NEK10: variants seen among roughly 807,000 people sequenced by gnomAD.
The protein encoded by NEK10 is serine/threonine-protein kinase Nek10.
In NEK10, 122 loss-of-function variants were observed where a neutral mutation model predicts 159.8. The observed-to-expected ratio is 0.76, with a 90% confidence interval of 0.66 to 0.89. The LOEUF is 0.89. Among genes scored for constraint, NEK10 ranks in the 40% least tolerant of loss-of-function variants. The pLI is 0.00. For missense variants in NEK10, 1,342 were observed against 1,323.1 expected (o/e 1.01, Z -0.22); for synonymous variants, 466 against 457.1 (o/e 1.02, Z -0.25).
intron 23 of NEK10, among the ~76,000 whole-genome samples, chr3:27,208,449 C>T (rs778286037): frequency 2.6e-5 from 4 of 152,050 alleles, no homozygotes; most frequent in East Asian, 3.9e-4. Flanking sequence ...GCACCCTGAT[C>T]GGCCTTATGG....
At chr3:27,200,382 T>C (rs1454045906) in intron 25 of NEK10, among the ~76,000 whole-genome samples, 4 of 152,116 alleles carry the variant, frequency 2.6e-5, no homozygotes, top group Non-Finnish European at 5.9e-5. Context: ...GGGGTGACTC[T>C]AGAATTTCTA....
intron 26 of NEK10, among the ~76,000 whole-genome samples, chr3:27,176,682 C>G (rs917753120): frequency 2.6e-5 from 4 of 152,166 alleles, no homozygotes; most frequent in Non-Finnish European, 5.9e-5. Flanking sequence ...GAAGTAAAAA[C>G]CCAATTCAAG....
chr3:27,140,628 G>C (rs767805730), intron 31 of NEK10, among the ~76,000 whole-genome samples: 1 of 152,218 alleles, frequency 6.6e-6, no homozygotes, highest in East Asian at 1.9e-4. Context: ...TTTAACTTGT[G>C]GTATTTCTCT....
At chr3:27,274,149 C>G (rs2041589850) in intron 22 of NEK10, among the ~76,000 whole-genome samples, 1 of 152,204 alleles carries the variant, frequency 6.6e-6, no homozygotes. Flanking sequence ...TACCATGCCA[C>G]TTTCCACTTC....
intron 29 of NEK10, among the ~76,000 whole-genome samples, chr3:27,169,951 G>A (rs1374500515): frequency 6.6e-6 from 1 of 152,158 alleles, no homozygotes; most frequent in African/African-American, 2.4e-5. Context: ...AACAAGCTGG[G>A]AGTTCATTTA....
In NEK10 at chr3:27,221,179, G is replaced by GA. The variant is rs546686846; in HGVS notation, c.2091-18623dup. On this transcript the variant is annotated intron_variant, in intron 23 of 35. Coordinates refer to ENST00000691995, the MANE Select transcript of NEK10 (RefSeq NM_001394966.1). ...CAATAAGTTGGATTTCATCAAAATT[G>GA]AAAACTTTTGTGCCTCAAAGGACAT... is the stretch of plus-strand genomic sequence containing the variant. 2.7e-3 allele frequency among the ~76,000 whole-genome samples: 409 copies of GA among 152,284 alleles called. 3 individuals carry two copies. Among genetic ancestry groups the GA allele is most frequent in the African/African-American group, 9.3e-3 (388 of 41,556 alleles).
At chr3:27,306,341 C>T (rs1021646166) in intron 11 of NEK10, among the ~76,000 whole-genome samples, 10 of 152,252 alleles carry the variant, frequency 6.6e-5, no homozygotes, top group Middle Eastern at 3.4e-3. Context: ...CATTCTCATA[C>T]GGCTTTCTCA....
chr3:27,153,048 G>A lies in NEK10; in HGVS notation c.2869+9653C>T, dbSNP rs560075841. ...ACCTAAGAAATGAGAATGGCCAGGC[G>A]CGGTGGCTCATGCCTGTAATCCCAG... On this transcript the variant is annotated intron_variant, in intron 30 of 35. Coordinates refer to ENST00000691995, the MANE Select transcript of NEK10 (RefSeq NM_001394966.1). 7.9e-5 allele frequency among the ~76,000 whole-genome samples: 12 copies of A among 152,182 alleles called. No individual in the cohort carries two copies. In the South Asian group the frequency reaches 8.3e-4, roughly 11 times the overall value.
chr3:27,258,560 A>T (rs937167237), intron 22 of NEK10, among the ~76,000 whole-genome samples: 7 of 152,034 alleles, frequency 4.6e-5, no homozygotes, highest in African/African-American at 1.7e-4. Context: ...ATCATTTTTT[A>T]TGGCTGCATA....
rs557915993 is a variant in NEK10 at position 27,281,613 on chromosome 3, G to A, written c.2014+2989C>T. On this transcript the variant is annotated intron_variant, in intron 22 of 35. Coordinates refer to ENST00000691995, the MANE Select transcript of NEK10 (RefSeq NM_001394966.1). ...TCCCATAAAAATATTTGTAGCAAGCGAACATCCAAAAAACATAACGCCCAA... is the reference window on the plus strand; with the variant it reads ...TCCCATAAAAATATTTGTAGCAAGCAAACATCCAAAAAACATAACGCCCAA... Among the ~76,000 whole-genome samples, 12 of 152,050 alleles carry A rather than the reference G, an allele frequency of 7.9e-5. No individual in the cohort carries two copies. In the South Asian group the frequency reaches 8.3e-4, roughly 11 times the overall value.
intron 30 of NEK10, chr3:27,162,482 G>A: frequency 1.2e-6 from 2 of 1,614,040 alleles, no homozygotes; most frequent in Non-Finnish European, 1.7e-6. Context: ...AGATTTCGAA[G>A]AATCACAGCA....
At chr3:27,174,394 T>C (rs1302005266) in intron 28 of NEK10, 45 bp downstream of exon 28, 1 of 1,606,606 alleles carries the variant, frequency 6.2e-7, no homozygotes, top group South Asian at 1.1e-5. Flanking sequence ...CAAACCACTG[T>C]CTTCCGGAAT....
rs1363708077 is a variant in NEK10, at chr3:27,293,714, G to C, written c.1309-62C>G. ...GCTCAACAAATTAAAACATTTTCAG[G>C]AAAGAATTAACAGGAAGTAAACATT... is the stretch of plus-strand genomic sequence containing the variant. On this transcript the variant is annotated intron_variant, in intron 15 of 35. Coordinates refer to ENST00000691995, the MANE Select transcript of NEK10 (RefSeq NM_001394966.1). 6 of 912,146 alleles carry C rather than the reference G, an allele frequency of 6.6e-6. No homozygotes were observed. The East Asian group carries it at 1.5e-4, about 22-fold the overall frequency. 56.5% of individuals were successfully genotyped at this position (912,146 alleles called of 1,614,324 possible).
At chr3:27,228,762 C>T (rs576292915) in intron 23 of NEK10, among the ~76,000 whole-genome samples, 7 of 152,282 alleles carry the variant, frequency 4.6e-5, no homozygotes, top group Non-Finnish European at 7.3e-5. Flanking sequence ...GGAACATCAA[C>T]GTTCCTACAG....
intron 26 of NEK10, among the ~76,000 whole-genome samples, chr3:27,185,187 C>T (rs979849599): frequency 2.0e-5 from 3 of 152,178 alleles, no homozygotes. Flanking sequence ...CAGCCTGCTC[C>T]TCCAAAGTAG....
At chr3:27,292,533 A>C (rs910594279) in intron 16 of NEK10, among the ~76,000 whole-genome samples, 5 of 152,158 alleles carry the variant, frequency 3.3e-5, no homozygotes, top group African/African-American at 1.2e-4. Context: ...TCTGAAATGA[A>C]AGATTATAAA....
At chr3:27,312,566 A>T (rs1315861183) in intron 7 of NEK10, among the ~76,000 whole-genome samples, 1 of 152,088 alleles carries the variant, frequency 6.6e-6, no homozygotes. Flanking sequence ...TTTATAATAC[A>T]TTGTATATAT....
chr3:27,154,618 A>G (rs1945223036), intron 30 of NEK10, among the ~76,000 whole-genome samples: 2 of 152,240 alleles, frequency 1.3e-5, no homozygotes, highest in Non-Finnish European at 2.9e-5. Flanking sequence ...TGGATTTCAT[A>G]CCAGGGATAC....
At chr3:27,220,211 C>T (rs1951957307) in intron 23 of NEK10, among the ~76,000 whole-genome samples, 1 of 152,176 alleles carries the variant, frequency 6.6e-6, no homozygotes, top group African/African-American at 2.4e-5. Flanking sequence ...ATCTTATAGT[C>T]CTGAATTGCT....
Sources: gnomAD v4.1 joint callset for allele counts (sites outside exome capture counted in the v4.1 genomes callset) on GRCh38, gnomAD v4.1.1 for gene constraint, MANE v1.5 for transcripts, NCBI Gene and HGNC (gene_info 2026-07-23, HGNC 2026-07-21) for gene names.